The following ZBTB16 variants were observed in gnomAD, a reference collection of about 807,000 sequenced individuals.
ZBTB16 encodes zinc finger and BTB domain containing 16.
In ZBTB16, 8 loss-of-function variants were observed where a neutral mutation model predicts 56.8. That is an observed-to-expected ratio of 0.14 (90% CI 0.08 to 0.25). The LOEUF (loss-of-function observed/expected upper bound fraction) is 0.25. ZBTB16 is among the 10% of genes least tolerant of loss of function. The pLI is 1.00. For synonymous variants in ZBTB16, 363 were observed against 368.5 expected (o/e 0.98, Z 0.17); for missense variants, 625 against 903.0 (o/e 0.69, Z 3.95).
At chr11:114,220,437 A>G (rs1485787824) in intron 4 of ZBTB16, among the ~76,000 whole-genome samples, 1 of 152,212 alleles carries the variant, frequency 6.6e-6, no homozygotes, top group Admixed American at 6.5e-5. Flanking sequence ...CGATGCTTAC[A>G]GAAGAGTGGA....
At chr11:114,130,771 A>G (rs565173330) in intron 2 of ZBTB16, among the ~76,000 whole-genome samples, 26 of 152,356 alleles carry the variant, frequency 1.7e-4, no homozygotes, top group African/African-American at 6.0e-4. Flanking sequence ...TTATGAGGCT[A>G]AGTAAGCGTG....
At chr11:114,245,307 C>T (rs903539465) in intron 5 of ZBTB16, among the ~76,000 whole-genome samples, 6 of 152,354 alleles carry the variant, frequency 3.9e-5, no homozygotes, top group African/African-American at 1.4e-4. Context: ...AGCCTCTGAG[C>T]CAGTGCAACA....
chr11:114,102,385 T>C (rs1036051839), intron 2 of ZBTB16, among the ~76,000 whole-genome samples: 8 of 152,130 alleles, frequency 5.3e-5, no homozygotes, highest in African/African-American at 1.9e-4. Flanking sequence ...GCATAGACCG[T>C]CTTCTGGATC....
intron 4 of ZBTB16, among the ~76,000 whole-genome samples, chr11:114,239,857 C>T (rs1240326974): frequency 3.9e-5 from 6 of 152,192 alleles, no homozygotes; most frequent in South Asian, 2.1e-4. Context: ...AGTCCAGCCC[C>T]GTGGTTTCTG....
chr11:114,170,184 A>G (rs914194517), intron 3 of ZBTB16, among the ~76,000 whole-genome samples: 2 of 152,236 alleles, frequency 1.3e-5, no homozygotes, highest in African/African-American at 4.8e-5. Context: ...AAGATTGTAA[A>G]TTTCTCATAT....
intron 2 of ZBTB16, among the ~76,000 whole-genome samples, chr11:114,102,744 G>A (rs1257146881): frequency 6.6e-6 from 1 of 152,136 alleles, no homozygotes; most frequent in Non-Finnish European, 1.5e-5. Flanking sequence ...TTTATTGGGT[G>A]CCTGGAGAAT....
At chr11:114,211,957 G>A (rs750696968) in intron 4 of ZBTB16, among the ~76,000 whole-genome samples, 3 of 152,316 alleles carry the variant, frequency 2.0e-5, no homozygotes, top group Admixed American at 6.5e-5. Flanking sequence ...ACGCTGGGGC[G>A]AGGGCAGGGG....
At chr11:114,229,136 C>G (rs1362902754) in intron 4 of ZBTB16, among the ~76,000 whole-genome samples, 1 of 152,222 alleles carries the variant, frequency 6.6e-6, no homozygotes. Flanking sequence ...ATTCTGGGCA[C>G]TAATTCCAAT....
chr11:114,201,866 C>A (rs1281837497), intron 4 of ZBTB16, among the ~76,000 whole-genome samples: 2 of 152,170 alleles, frequency 1.3e-5, no homozygotes, highest in African/African-American at 4.8e-5. Flanking sequence ...AAGCACATAT[C>A]ACTTACATAA....
intron 2 of ZBTB16, among the ~76,000 whole-genome samples, chr11:114,074,253 G>A (rs142705386): frequency 6.6e-6 from 1 of 152,202 alleles, no homozygotes; most frequent in Non-Finnish European, 1.5e-5. Context: ...TTAGCTCAGC[G>A]TTGTGATCTT....
intron 2 of ZBTB16, among the ~76,000 whole-genome samples, chr11:114,132,663 T>C (rs767046937): frequency 6.6e-6 from 1 of 152,202 alleles, no homozygotes; most frequent in Non-Finnish European, 1.5e-5. Context: ...TATTGTTCCA[T>C]TGTTAAGCAA....
chr11:114,177,326 CCACA>C (rs1459388912), intron 3 of ZBTB16, among the ~76,000 whole-genome samples: 1 of 152,166 alleles, frequency 6.6e-6, no homozygotes, highest in Non-Finnish European at 1.5e-5. Context: ...TCTCGGCTCA[CCACA>C]ACCTCTGCCT....
At position 114,070,142 on chromosome 11, in the gene ZBTB16, C is replaced by T. The variant is rs373693300; in HGVS notation, c.1268+5574C>T. Among the ~76,000 whole-genome samples the T allele has an allele frequency of 9.9e-5, 14 of 142,124 alleles. No individual in the cohort carries two copies. In the East Asian group the frequency reaches 2.8e-3, roughly 29 times the overall value. 93.2% of individuals were successfully genotyped at this position (142,124 alleles called of 152,430 possible). On this transcript the variant is annotated intron_variant, in intron 2 of 6. Transcript: ENST00000335953. ...TTTGAGACGGAGTCTCGCTCTGTCGCCCAGGTCGGACTGCGGACTGCAGTG... is the reference window on the plus strand; with the variant it reads ...TTTGAGACGGAGTCTCGCTCTGTCGTCCAGGTCGGACTGCGGACTGCAGTG...
chr11:114,155,195 C>T (rs969418967), intron 2 of ZBTB16, among the ~76,000 whole-genome samples: 1 of 152,278 alleles, frequency 6.6e-6, no homozygotes, highest in Non-Finnish European at 1.5e-5. Flanking sequence ...ACAGATCCGG[C>T]TTCTGGCTGC....
intron 4 of ZBTB16, among the ~76,000 whole-genome samples, chr11:114,216,841 A>C (rs1208039104): frequency 6.6e-6 from 1 of 152,242 alleles, no homozygotes; most frequent in African/African-American, 2.4e-5. Context: ...TAGAAAGATG[A>C]CTAGACCCAG....
intron 2 of ZBTB16, among the ~76,000 whole-genome samples, chr11:114,138,233 A>G (rs1941848145): frequency 6.6e-6 from 1 of 151,696 alleles, no homozygotes; most frequent in Non-Finnish European, 1.5e-5. Flanking sequence ...CATTCATATT[A>G]TTCATATTTC....
intron 4 of ZBTB16, among the ~76,000 whole-genome samples, chr11:114,216,191 A>G (rs1944090042): frequency 6.6e-6 from 1 of 152,208 alleles, no homozygotes; most frequent in African/African-American, 2.4e-5. Context: ...TCCCTTGCAC[A>G]CACAGGCACC....
rs1486752271 is a variant in ZBTB16 at position 114,252,089 on chromosome 11, G to A, written c.*1534G>A. Among the ~76,000 whole-genome samples, 1 of 152,156 alleles carries A rather than the reference G, an allele frequency of 6.6e-6. No individual in the cohort carries two copies. The highest frequency in any genetic ancestry group is 2.4e-5 in the African/African-American group (1 of 41,428). On this transcript the variant is annotated 3_prime_UTR_variant, in exon 7 of 7. Transcript: ENST00000335953. ...AGGAGTTGATACTCAGGATCTGAAT[G>A]TGAGGGCCGAGGAGGGCGAAGAGCG...
At chr11:114,229,771 G>A (rs1944400699) in intron 4 of ZBTB16, among the ~76,000 whole-genome samples, 1 of 152,196 alleles carries the variant, frequency 6.6e-6, no homozygotes, top group African/African-American at 2.4e-5. Context: ...TCTGGCAACA[G>A]AATTTACCAG....
Sources: gnomAD v4.1 joint callset for allele counts (sites outside exome capture counted in the v4.1 genomes callset) on GRCh38, gnomAD v4.1.1 for gene constraint, MANE v1.5 for transcripts, NCBI Gene and HGNC (gene_info 2026-07-23, HGNC 2026-07-21) for gene names.